Variants in NAA15 observed in about 807,000 individuals in gnomAD.
NAA15 encodes the protein N-terminal acetyltransferase.
In NAA15, 34 loss-of-function variants were observed where a neutral mutation model predicts 114.0. That is an observed-to-expected ratio of 0.30 (90% CI 0.23 to 0.40). NAA15 has a LOEUF of 0.40. Ranked by LOEUF, NAA15 falls within the 10% of genes least tolerant of loss-of-function variation. The pLI, the probability that NAA15 is intolerant of heterozygous loss-of-function variation, is 1.00. For missense variants in NAA15, 658 were observed against 1,004.5 expected (o/e 0.66, Z 4.66); for synonymous variants, 340 against 338.0 (o/e 1.01, Z -0.06).
chr4:139,337,638 A>G (rs192568559), intron 3 of NAA15, among the ~76,000 whole-genome samples: 84 of 152,358 alleles, frequency 5.5e-4, no homozygotes, highest in African/African-American at 1.6e-3. Flanking sequence ...GTGGGTTGCT[A>G]TTTTTAAGAT....
chr4:139,369,658 A>G (rs779141643), intron 14 of NAA15, among the ~76,000 whole-genome samples: 1 of 149,392 alleles, frequency 6.7e-6, no homozygotes, highest in African/African-American at 2.5e-5. Flanking sequence ...GAATTGCTTG[A>G]ACCTGGGAAG....
At chr4:139,310,541 A>G (rs1159028657) in intron 1 of NAA15, among the ~76,000 whole-genome samples, 2 of 151,364 alleles carry the variant, frequency 1.3e-5, no homozygotes, top group East Asian at 3.9e-4. Context: ...TTTCTCCCCC[A>G]GATACCTGTG....
chr4:139,367,809 C>G (rs191824903), intron 14 of NAA15, among the ~76,000 whole-genome samples: 1 of 152,264 alleles, frequency 6.6e-6, no homozygotes, highest in Non-Finnish European at 1.5e-5. Flanking sequence ...GTTTCTTTGT[C>G]CTCTTACATT....
At chr4:139,342,436 T>C (rs1747434437) in intron 4 of NAA15, among the ~76,000 whole-genome samples, 2 of 152,078 alleles carry the variant, frequency 1.3e-5, no homozygotes, top group Non-Finnish European at 2.9e-5. Context: ...GTTCCCATCA[T>C]TGTGTTGTAA....
chr4:139,353,967 A>G (rs1014174668), intron 9 of NAA15, 59 bp from the exon 10 acceptor site: 1 of 1,346,072 alleles, frequency 7.4e-7, no homozygotes, highest in Non-Finnish European at 1.1e-6. Flanking sequence ...CACATTTTGC[A>G]TAAGAATAGT....
At chr4:139,311,147 C>T (rs978880580) in intron 1 of NAA15, among the ~76,000 whole-genome samples, 2 of 151,802 alleles carry the variant, frequency 1.3e-5, no homozygotes, top group Non-Finnish European at 2.9e-5. Flanking sequence ...GTCAGTCCTT[C>T]TCACCTTATT....
intron 6 of NAA15, among the ~76,000 whole-genome samples, chr4:139,345,395 A>G (rs1747547866): frequency 6.6e-6 from 1 of 152,248 alleles, no homozygotes; most frequent in Non-Finnish European, 1.5e-5. Context: ...CTGTGAACAG[A>G]GTCAAGGCTT....
At chr4:139,335,140 C>T (rs904880280) in intron 2 of NAA15, among the ~76,000 whole-genome samples, 2 of 151,842 alleles carry the variant, frequency 1.3e-5, no homozygotes, top group Non-Finnish European at 2.9e-5. Flanking sequence ...GGCAACATAG[C>T]GGGACCTTGT....
chr4:139,355,980 G>A (rs547753345), intron 10 of NAA15, among the ~76,000 whole-genome samples: 1 of 152,144 alleles, frequency 6.6e-6, no homozygotes, highest in South Asian at 2.1e-4. Context: ...ATGATAAATG[G>A]ATTTTTTCTC....
At chr4:139,346,528 A>G (rs1466932487) in intron 6 of NAA15, among the ~76,000 whole-genome samples, 1 of 151,708 alleles carries the variant, frequency 6.6e-6, no homozygotes, top group East Asian at 1.9e-4. Flanking sequence ...AGAGTGGATC[A>G]ATGGGCACAG....
intron 4 of NAA15, among the ~76,000 whole-genome samples, chr4:139,341,404 C>T (rs942449588): frequency 1.3e-5 from 2 of 151,032 alleles, no homozygotes; most frequent in South Asian, 4.2e-4. Flanking sequence ...GACCATCCTG[C>T]CTAACACAGT....
intron 1 of NAA15, among the ~76,000 whole-genome samples, chr4:139,324,107 C>CAGG (rs1312015545): frequency 1.3e-5 from 2 of 152,146 alleles, no homozygotes; most frequent in Non-Finnish European, 2.9e-5. Context: ...TTGTCTGGAA[C>CAGG]TCCTGCTCAA....
chr4:139,367,472 A>G (rs1579128149), intron 14 of NAA15, among the ~76,000 whole-genome samples: 1 of 152,086 alleles, frequency 6.6e-6, no homozygotes, highest in Non-Finnish European at 1.5e-5. Flanking sequence ...CAGATTTACT[A>G]TTTCTGCCCA....
At chr4:139,368,549 A>G (rs1427224200) in intron 14 of NAA15, among the ~76,000 whole-genome samples, 1 of 152,192 alleles carries the variant, frequency 6.6e-6, no homozygotes, top group Non-Finnish European at 1.5e-5. Flanking sequence ...TTTCCATAAG[A>G]TTGAGTTTCC....
intron 15 of NAA15, among the ~76,000 whole-genome samples, chr4:139,373,420 G>A (rs536800772): frequency 2.2e-4 from 33 of 152,172 alleles, no homozygotes; most frequent in South Asian, 8.3e-4. Context: ...GCAGTTCATT[G>A]TTGACCAAAA....
rs1327281043 is a variant in NAA15 at position 139,387,862 on chromosome 4, A to G, written c.2401-22A>G. On this transcript the variant is annotated intron_variant, in intron 19 of 19. Transcript: ENST00000296543. ...GAACCTTTTTTTGACCAGTTACAAC[A>G]TGACTTTTTTTCTTTCCTTAGACAT... 5 of 1,599,426 alleles carry G rather than the reference A, an allele frequency of 3.1e-6. No homozygotes were observed. The African/African-American group carries it at 5.4e-5, about 17-fold the overall frequency.
chr4:139,376,186 TAAG>T (rs1748575834), intron 15 of NAA15, among the ~76,000 whole-genome samples, 176 bp from the exon 16 acceptor site: 1 of 152,180 alleles, frequency 6.6e-6, no homozygotes, highest in Non-Finnish European at 1.5e-5. Flanking sequence ...AAAAATCAGT[TAAG>T]AATTCTAGAA....
chr4:139,321,495 G>A (rs1038254876), intron 1 of NAA15, among the ~76,000 whole-genome samples: 5 of 112,452 alleles, frequency 4.4e-5, no homozygotes, highest in African/African-American at 7.1e-5. Flanking sequence ...TTTTTGAAAC[G>A]GAGTCTCGCT....
chr4:139,337,154 A>AC (rs1747225367), intron 3 of NAA15, among the ~76,000 whole-genome samples: 2 of 152,176 alleles, frequency 1.3e-5, no homozygotes, highest in Non-Finnish European at 2.9e-5. Flanking sequence ...TTCACAGATA[A>AC]ATGGAACTTG....
Sources: gnomAD v4.1 joint callset for allele counts (sites outside exome capture counted in the v4.1 genomes callset) on GRCh38, gnomAD v4.1.1 for gene constraint, MANE v1.5 for transcripts, NCBI Gene and HGNC (gene_info 2026-07-23, HGNC 2026-07-21) for gene names.